ELAVL4: variants seen among roughly 807,000 people sequenced by gnomAD.
The protein encoded by ELAVL4 is ELAV-like protein 4.
Under a neutral mutation model 35.6 loss-of-function variants are expected in ELAVL4, and 1 was observed. The observed-to-expected ratio is 0.03, with a 90% CI of 0.01 to 0.13. ELAVL4 has a LOEUF of 0.13. Among genes scored for constraint, ELAVL4 ranks in the 10% least tolerant of loss-of-function variants. The pLI, the probability that ELAVL4 is intolerant of heterozygous loss-of-function variation, is 1.00. For missense variants in ELAVL4, 267 were observed against 464.9 expected, an observed-to-expected ratio of 0.57 and a Z score of 3.91; for synonymous variants, 156 against 171.0, an observed-to-expected ratio of 0.91 and a Z score of 0.69.
intron 1 of ELAVL4, among the ~76,000 whole-genome samples, chr1:50,087,724 G>A (rs1054803194): frequency 6.6e-6 from 1 of 152,150 alleles, no homozygotes; most frequent in African/African-American, 2.4e-5. Flanking sequence ...TGATAGGATT[G>A]TTGGCCTTAT....
chr1:50,053,188 AT>A (rs775013932), intron 1 of ELAVL4, among the ~76,000 whole-genome samples: 2 of 152,290 alleles, frequency 1.3e-5, no homozygotes, highest in Non-Finnish European at 2.9e-5. Flanking sequence ...ATGAGCAACA[AT>A]TTTGCAACAA....
intron 1 of ELAVL4, among the ~76,000 whole-genome samples, chr1:50,055,768 G>C (rs1261752925): frequency 6.6e-6 from 1 of 152,090 alleles, no homozygotes; most frequent in Non-Finnish European, 1.5e-5. Flanking sequence ...AAATGACTTA[G>C]TATGAGGCTC....
upstream of ELAVL4, among the ~76,000 whole-genome samples, chr1:50,102,837 T>C (rs1020549016): frequency 1.3e-5 from 2 of 152,192 alleles, no homozygotes; most frequent in Admixed American, 1.3e-4. Flanking sequence ...CTGAGTTTTT[T>C]GGGGGTTATG....
chr1:50,106,122 T>G (rs1666283751), upstream of ELAVL4: 1 of 447,502 alleles, frequency 2.2e-6, no homozygotes, highest in Admixed American at 3.7e-5. Context: ...TTTGGTTGTC[T>G]TTTTTTATTT....
chr1:50,065,785 T>C (rs1293051878), intron 1 of ELAVL4, among the ~76,000 whole-genome samples: 1 of 152,182 alleles, frequency 6.6e-6, no homozygotes, highest in East Asian at 1.9e-4. Flanking sequence ...GGCAAGAAGG[T>C]AGCTCTGCTG....
chr1:50,070,756 A>G (rs1664481742), intron 1 of ELAVL4, among the ~76,000 whole-genome samples: 1 of 151,912 alleles, frequency 6.6e-6, no homozygotes, highest in African/African-American at 2.4e-5. Context: ...AAAAAAAAAA[A>G]AAAAGCCACT....
At chr1:50,049,914 G>A (rs1663264126) in intron 1 of ELAVL4, among the ~76,000 whole-genome samples, 1 of 152,186 alleles carries the variant, frequency 6.6e-6, no homozygotes, top group Non-Finnish European at 1.5e-5. Flanking sequence ...TTGGGTGTGG[G>A]TTGTAATAGA....
intron 1 of ELAVL4, among the ~76,000 whole-genome samples, chr1:50,061,212 G>A: frequency 6.6e-6 from 1 of 152,270 alleles, no homozygotes; most frequent in East Asian, 1.9e-4. Flanking sequence ...AAAATTATAT[G>A]CCAATTTAGT....
At chr1:50,107,969 G>A (rs1346261221), upstream of ELAVL4, among the ~76,000 whole-genome samples, 1 of 152,184 alleles carries the variant, frequency 6.6e-6, no homozygotes, top group Non-Finnish European at 1.5e-5. Flanking sequence ...CTTTGAAGGA[G>A]AGAAGCAAAA....
intron 1 of ELAVL4, among the ~76,000 whole-genome samples, chr1:50,069,967 G>A (rs757778968): frequency 6.6e-6 from 1 of 152,162 alleles, no homozygotes; most frequent in Admixed American, 6.5e-5. Context: ...TGTCAAGGCT[G>A]TTTTTAATAT....
intron 2 of ELAVL4, chr1:50,175,387 T>TACACACACACACACACAC (rs68082703): frequency 7.0e-6 from 1 of 142,996 alleles, no homozygotes; most frequent in Non-Finnish European, 1.5e-5. Context: ...CCACCACACG[T>TACACACACACACACACAC]ACACACACAC....
chr1:50,107,274 C>T (rs9436887), upstream of ELAVL4, among the ~76,000 whole-genome samples: 15,296 of 152,190 alleles, frequency 0.1, 2,416 homozygotes, highest in African/African-American at 0.34. Flanking sequence ...GTTTACTTAA[C>T]TGAGTATTGT....
chr1:50,117,602 C>T (rs1267982372), intron 1 of ELAVL4, among the ~76,000 whole-genome samples: 1 of 152,148 alleles, frequency 6.6e-6, no homozygotes, highest in African/African-American at 2.4e-5. Flanking sequence ...CAATATCTAA[C>T]TCACAGGGTT....
At chr1:50,097,764 G>T (rs936708924) in intron 1 of ELAVL4, among the ~76,000 whole-genome samples, 2 of 152,126 alleles carry the variant, frequency 1.3e-5, no homozygotes, top group African/African-American at 4.8e-5. Context: ...CTGACACTAC[G>T]TCAAAGATAT....
chr1:50,192,941 G>A (rs1039542879), intron 3 of ELAVL4, among the ~76,000 whole-genome samples: 3 of 152,092 alleles, frequency 2.0e-5, no homozygotes, highest in African/African-American at 2.4e-5. Context: ...TTAGCTTTTG[G>A]GGGGAAGAAA....
intron 3 of ELAVL4, among the ~76,000 whole-genome samples, chr1:50,190,470 G>A (rs1239749536): frequency 1.3e-5 from 2 of 152,130 alleles, no homozygotes; most frequent in South Asian, 2.1e-4. Flanking sequence ...TTATCCATAC[G>A]CCACAGGTTT....
At chr1:50,162,891 T>G (rs1180091552) in intron 2 of ELAVL4, among the ~76,000 whole-genome samples, 1 of 152,140 alleles carries the variant, frequency 6.6e-6, no homozygotes, top group Non-Finnish European at 1.5e-5. Flanking sequence ...GCCAGTCCTG[T>G]TTTTTTAAAC....
Position 50,110,633 on chromosome 1 carries a change from A to G in ELAVL4, c.9+1435A>G, listed in dbSNP as rs527988891. On this transcript the variant is annotated intron_variant, in intron 1 of 6. Coordinates refer to ENST00000371824, the MANE Select transcript of ELAVL4 (RefSeq NM_001144774.3). ...CCCACTTTGACTTTGAATTTTCACC[A>G]GCAATAGGTTTCACAAGGTTTCAGA... Among the ~76,000 whole-genome samples, 5 of 152,274 alleles carry G rather than the reference A, an allele frequency of 3.3e-5. No individual in the cohort carries two copies. The South Asian group carries it at 8.3e-4, about 25-fold the overall frequency.
intron 1 of ELAVL4, among the ~76,000 whole-genome samples, chr1:50,065,225 T>G (rs1052431440): frequency 1.3e-5 from 2 of 152,126 alleles, no homozygotes; most frequent in African/African-American, 4.8e-5. Flanking sequence ...TATCAACAAA[T>G]GAAGTCAGTT....
Sources: allele counts gnomAD v4.1 joint callset (sites outside exome capture counted in the v4.1 genomes callset), GRCh38; gene constraint gnomAD v4.1.1; transcripts MANE v1.5; gene names NCBI Gene and HGNC (gene_info 2026-07-23, HGNC 2026-07-21).